STARD9: variants seen among roughly 807,000 people sequenced by gnomAD.
The protein encoded by STARD9 is stAR-related lipid transfer protein 9.
A neutral mutation model predicts 399.8 loss-of-function variants in STARD9; 346 were observed. That is an observed-to-expected ratio of 0.87 (90% CI 0.79 to 0.95). STARD9 has a LOEUF of 0.95. STARD9 is among the 40% of genes least tolerant of loss of function. The pLI is 0.00. For synonymous variants in STARD9, 2,203 were observed against 2,143.5 expected, an observed-to-expected ratio of 1.03 and a Z score of -0.77; for missense variants, 5,832 against 5,667.5, an observed-to-expected ratio of 1.03 and a Z score of -0.93.
chr15:42,587,122 C>G (rs1040339814), intron 3 of STARD9, among the ~76,000 whole-genome samples: 2 of 152,068 alleles, frequency 1.3e-5, no homozygotes. Flanking sequence ...TACCAAAGTG[C>G]TGGAATTATA....
chr15:42,703,137 G>C lies in STARD9; in HGVS notation c.13284+7257G>C, dbSNP rs536590152. ...TTGCTGGTTTAATGACCTTTTCTTT[G>C]TCCTTGACCTTTGAGAATTTGATTA... On this transcript the variant is annotated intron_variant, in intron 26 of 32. Coordinates refer to ENST00000290607, the MANE Select transcript of STARD9 (RefSeq NM_020759.3). 1.3e-4 allele frequency among the ~76,000 whole-genome samples: 20 copies of C among 151,996 alleles called. 1 individual carries two copies. The South Asian group carries it at 3.7e-3, about 28-fold the overall frequency.
rs773974996 is a variant in STARD9, at chr15:42,718,936, C to T, written c.14001+26C>T. 10 of 1,535,020 alleles carry T rather than the reference C, an allele frequency of 6.5e-6. No individual in the cohort carries two copies. The South Asian group carries it at 1.2e-4, about 18-fold the overall frequency. On this transcript the variant is annotated intron_variant, in intron 32 of 32. Coordinates refer to ENST00000290607, the MANE Select transcript of STARD9 (RefSeq NM_020759.3). The stretch of plus-strand genomic sequence containing the variant: ...GTGATAAATCCTTTGCAGCTGGCCT[C>T]ACAGCACAGGCTGACTTGGTCCCAC...
At chr15:42,681,902 C>G (rs531248809) in intron 21 of STARD9, among the ~76,000 whole-genome samples, 3 of 152,118 alleles carry the variant, frequency 2.0e-5, no homozygotes, top group Admixed American at 6.5e-5. Flanking sequence ...GTGCCCACTG[C>G]TGTGCTGAGT....
chr15:42,682,538 C>G lies in STARD9; in HGVS notation c.2500C>G (p.Gln834Glu). 2 of 1,537,142 alleles carry G rather than the reference C, an allele frequency of 1.3e-6. No homozygotes were observed. The highest frequency in any genetic ancestry group is 2.4e-5 in the South Asian group (2 of 84,036). The change falls in exon 22 of 33, where the codon CAA becomes GAA. Residue 834 changes from glutamine (Q) to glutamate (E), a missense_variant. Gln to Glu is a conservative substitution (Grantham distance 29). Coordinates refer to ENST00000290607, the MANE Select transcript of STARD9 (RefSeq NM_020759.3). Reference sequence around the variant, plus strand: ...GACGAGTTGCAGTTCTTTGAGCCCCCAAAGACTCTGCAGCAAGCACATGCC... The same window carrying G: ...GACGAGTTGCAGTTCTTTGAGCCCCGAAAGACTCTGCAGCAAGCACATGCC... The part of the protein sequence containing the change: ...KLTSCSSLSP[Q>E]RLCSKHMPQL...
intron 8 of STARD9, among the ~76,000 whole-genome samples, chr15:42,652,246 C>T (rs1037334986): frequency 6.6e-6 from 1 of 150,920 alleles, no homozygotes; most frequent in African/African-American, 2.5e-5. Context: ...TTTCCCTTTT[C>T]ACTTGAATTT....
Position 42,691,208 on chromosome 15 carries a change from G to A in STARD9, c.9630G>A (p.Gln3210=), listed in dbSNP as rs542925331. The A allele has an allele frequency of 1.3e-6, 2 of 1,537,280 alleles. No individual in the cohort carries two copies. The highest frequency in any genetic ancestry group is 1.4e-5 in the African/African-American group (1 of 73,190). The change falls in exon 23 of 33, where the codon CAG becomes CAA. Residue 3210 remains glutamine, a synonymous_variant. Coordinates refer to ENST00000290607, the MANE Select transcript of STARD9 (RefSeq NM_020759.3). ...GCCCCCAGGAAGACAGTCCCTGGCA[G>A]GAAGAAGAGCAGCACAGAGACCAGG... ...TCSPQEDSPW[Q]EEEQHRDQAS...
intron 3 of STARD9, among the ~76,000 whole-genome samples, chr15:42,610,267 A>G (rs1305030693): frequency 1.3e-5 from 2 of 152,146 alleles, no homozygotes; most frequent in Non-Finnish European, 2.9e-5. Flanking sequence ...CCACTTGGTT[A>G]GGTGGGGCCA....
At chr15:42,684,052 T>A (rs2060491518) in intron 22 of STARD9, 64 bp from the exon 23 acceptor site, 11 of 1,461,150 alleles carry the variant, frequency 7.5e-6, no homozygotes, top group Non-Finnish European at 9.0e-6. Flanking sequence ...GTTTTTAACC[T>A]CCTTCTGTCC....
Position 42,719,740 on chromosome 15 carries a change from C to G in STARD9, c.*166C>G. ...ACTGGCCCAGGGATGCTAGCAAAGCCCAGTCAGTACTTGGTCACAGCTGGC... is the reference window on the plus strand; with the variant it reads ...ACTGGCCCAGGGATGCTAGCAAAGCGCAGTCAGTACTTGGTCACAGCTGGC... On this transcript the variant is annotated 3_prime_UTR_variant, in exon 33 of 33. Transcript: ENST00000290607. 1.7e-6 allele frequency: 1 copy of G among 594,716 alleles called. No homozygotes were observed. The highest frequency in any genetic ancestry group is 2.0e-5 in the South Asian group (1 of 49,372). 36.8% of individuals were successfully genotyped at this position (594,716 alleles called of 1,614,324 possible). A position where few individuals can be genotyped will look rare whatever the true frequency, so the allele number is the denominator to read the frequency against.
chr15:42,589,123 C>T (rs986446408), intron 3 of STARD9, among the ~76,000 whole-genome samples: 1 of 152,012 alleles, frequency 6.6e-6, no homozygotes, highest in African/African-American at 2.4e-5. Flanking sequence ...CTCTCCACAG[C>T]ATTAGTGATC....
intron 3 of STARD9, among the ~76,000 whole-genome samples, chr15:42,598,947 C>T (rs138873449): frequency 2.9e-3 from 438 of 151,828 alleles, no homozygotes; most frequent in African/African-American, 9.9e-3. Flanking sequence ...TTTTGGCAAC[C>T]GAGTCTCACT....
At chr15:42,616,613 C>T (rs962272512) in intron 3 of STARD9, among the ~76,000 whole-genome samples, 5 of 152,010 alleles carry the variant, frequency 3.3e-5, no homozygotes, top group Non-Finnish European at 4.4e-5. Flanking sequence ...AGAGAATGGC[C>T]GGGTGCAGTG....
chr15:42,710,913 C>G (rs200337135), intron 26 of STARD9, among the ~76,000 whole-genome samples: 164 of 144,754 alleles, frequency 1.1e-3, no homozygotes, highest in South Asian at 2.4e-3. Flanking sequence ...CTCTCTCTCT[C>G]TGTGTGTGTG....
chr15:42,591,208 C>T (rs1244659437), intron 3 of STARD9, among the ~76,000 whole-genome samples: 2 of 152,192 alleles, frequency 1.3e-5, no homozygotes, highest in African/African-American at 4.8e-5. Flanking sequence ...CATGTCCAGG[C>T]TGAGCACAGT....
intron 3 of STARD9, among the ~76,000 whole-genome samples, chr15:42,600,862 CTT>C (rs58223128): frequency 1.6e-4 from 21 of 128,072 alleles, no homozygotes; most frequent in African/African-American, 3.7e-4. Flanking sequence ...GTTTTTCTTT[CTT>C]TTTTTTTTTT....
In STARD9 at chr15:42,690,957, G is replaced by A. The variant is rs76787264; in HGVS notation, c.9379G>A (p.Val3127Met). ...CTCTGTAGGTGACCAGAATGCACAG[G>A]TGTGTCAAACCAATCCAGAACCACC... ...DSSVGDQNAQ[V>M]CQTNPEPPAT... Residue 3127 changes from valine (V) to methionine (M), a missense_variant, in exon 23 of 33, where the codon GTG (valine) becomes ATG (methionine). Val to Met is a conservative substitution (Grantham distance 21, BLOSUM62 1). Coordinates refer to ENST00000290607, the MANE Select transcript of STARD9 (RefSeq NM_020759.3). 4.9e-4 allele frequency: 753 copies of A among 1,537,202 alleles called. 6 individuals carry two copies. In the East Asian group the frequency reaches 0.016, roughly 33 times the overall value.
At chr15:42,659,976 A>C (rs556055664) in intron 9 of STARD9, among the ~76,000 whole-genome samples, 1 of 152,374 alleles carries the variant, frequency 6.6e-6, no homozygotes, top group African/African-American at 2.4e-5. Context: ...CACATCCATC[A>C]AAAGGCAAAT....
At chr15:42,660,173 T>C (rs899312361) in intron 9 of STARD9, among the ~76,000 whole-genome samples, 12 of 152,308 alleles carry the variant, frequency 7.9e-5, no homozygotes, top group Admixed American at 7.8e-4. Flanking sequence ...AAGTGATTGC[T>C]TCAAGCTGGG....
At chr15:42,654,289 T>C (rs919852636) in intron 9 of STARD9, among the ~76,000 whole-genome samples, 1 of 152,074 alleles carries the variant, frequency 6.6e-6, no homozygotes, top group Non-Finnish European at 1.5e-5. Flanking sequence ...TTGCCTAAGG[T>C]ACAAATTTTC....
Sources: gnomAD v4.1 joint callset for allele counts (sites outside exome capture counted in the v4.1 genomes callset) on GRCh38, gnomAD v4.1.1 for gene constraint, MANE v1.5 for transcripts, NCBI Gene and HGNC (gene_info 2026-07-23, HGNC 2026-07-21) for gene names.